Variants in FSTL5 observed in about 807,000 individuals in gnomAD.
FSTL5 encodes the protein follistatin like 5.
FSTL5 carries 62 observed loss-of-function variants against 89.1 expected under a neutral mutation model. That is an observed-to-expected ratio of 0.70 (90% CI 0.57 to 0.86). The LOEUF (loss-of-function observed/expected upper bound fraction) is 0.86. FSTL5 is among the 40% of genes least tolerant of loss of function. The pLI, the probability that FSTL5 is intolerant of heterozygous loss-of-function variation, is 0.00. For missense variants in FSTL5, 1,057 were observed against 1,001.6 expected, an observed-to-expected ratio of 1.06 and a Z score of -0.75; for synonymous variants, 383 against 346.2, an observed-to-expected ratio of 1.11 and a Z score of -1.18.
At chr4:161,550,078 C>G (rs189203533) in intron 8 of FSTL5, among the ~76,000 whole-genome samples, 5 of 151,958 alleles carry the variant, frequency 3.3e-5, no homozygotes, top group Admixed American at 3.3e-4. Context: ...TTCATGTTAA[C>G]TACACAGAGA....
At chr4:161,530,314 T>C (rs1731365093) in intron 10 of FSTL5, among the ~76,000 whole-genome samples, 1 of 142,138 alleles carries the variant, frequency 7.0e-6, no homozygotes, top group African/African-American at 2.5e-5. Context: ...AATGGCTGGA[T>C]TTTACAATAT....
At chr4:161,404,031 G>T (rs1731275936) in intron 15 of FSTL5, among the ~76,000 whole-genome samples, 1 of 152,172 alleles carries the variant, frequency 6.6e-6, no homozygotes, top group Admixed American at 6.5e-5. Flanking sequence ...CACATTCCCA[G>T]TGTGGTTACC....
At chr4:161,619,340 G>A (rs1458552402) in intron 7 of FSTL5, among the ~76,000 whole-genome samples, 1 of 152,162 alleles carries the variant, frequency 6.6e-6, no homozygotes, top group African/African-American at 2.4e-5. Flanking sequence ...ATTGACAAAT[G>A]GGATCTAATG....
chr4:161,561,449 G>T (rs765450522), intron 8 of FSTL5, among the ~76,000 whole-genome samples: 1 of 151,894 alleles, frequency 6.6e-6, no homozygotes, highest in Non-Finnish European at 1.5e-5. Context: ...GGAACTGCAT[G>T]GTTTGAGATG....
intron 4 of FSTL5, among the ~76,000 whole-genome samples, chr4:161,805,920 G>A (rs1011862068): frequency 6.6e-6 from 1 of 151,988 alleles, no homozygotes; most frequent in Non-Finnish European, 1.5e-5. Flanking sequence ...GAGAGAGTGA[G>A]ATTACATTCA....
chr4:161,981,298 T>C (rs1735820976), intron 3 of FSTL5, among the ~76,000 whole-genome samples: 1 of 152,156 alleles, frequency 6.6e-6, no homozygotes, highest in South Asian at 2.1e-4. Flanking sequence ...TACCAGAAGT[T>C]AGATCCATTA....
chr4:161,620,085 A>G (rs1178449107), intron 7 of FSTL5, among the ~76,000 whole-genome samples: 1 of 151,070 alleles, frequency 6.6e-6, no homozygotes, highest in Non-Finnish European at 1.5e-5. Flanking sequence ...AAACTATCGC[A>G]AGAAGAAAAA....
chr4:162,074,192 T>C (rs1729742047), intron 2 of FSTL5, among the ~76,000 whole-genome samples: 1 of 151,802 alleles, frequency 6.6e-6, no homozygotes, highest in Non-Finnish European at 1.5e-5. Context: ...ACTTATAGAT[T>C]TATCATTTCC....
intron 8 of FSTL5, among the ~76,000 whole-genome samples, chr4:161,576,899 A>G (rs1733227502): frequency 6.6e-6 from 1 of 152,248 alleles, no homozygotes. Flanking sequence ...TTGAGCTTCA[A>G]TTACTGAGGA....
chr4:161,572,878 A>T (rs1733069695), intron 8 of FSTL5, among the ~76,000 whole-genome samples: 1 of 152,194 alleles, frequency 6.6e-6, no homozygotes, highest in African/African-American at 2.4e-5. Context: ...CTGCTACAAT[A>T]AAGTAAGAAA....
At chr4:161,620,259 C>T (rs1282466753) in intron 7 of FSTL5, among the ~76,000 whole-genome samples, 3 of 151,516 alleles carry the variant, frequency 2.0e-5, no homozygotes, top group African/African-American at 7.3e-5. Context: ...TTAATGGGTG[C>T]AGCACACCAG....
intron 3 of FSTL5, among the ~76,000 whole-genome samples, chr4:161,955,161 T>C (rs1013574822): frequency 5.9e-5 from 9 of 151,700 alleles, no homozygotes; most frequent in Non-Finnish European, 8.9e-5. Flanking sequence ...GTAATATTTA[T>C]TTCTATACTT....
At chr4:161,676,787 A>G (rs1737321655) in intron 6 of FSTL5, among the ~76,000 whole-genome samples, 1 of 151,914 alleles carries the variant, frequency 6.6e-6, no homozygotes, top group Admixed American at 6.6e-5. Flanking sequence ...ACAGAGTAAT[A>G]TACAAAAATA....
intron 4 of FSTL5, among the ~76,000 whole-genome samples, chr4:161,899,796 G>C (rs1733292557): frequency 6.6e-6 from 1 of 152,116 alleles, no homozygotes; most frequent in South Asian, 2.1e-4. Flanking sequence ...AAACACCAAA[G>C]AAAACTACAC....
At chr4:161,700,460 T>G (rs889246733) in intron 6 of FSTL5, among the ~76,000 whole-genome samples, 1 of 152,146 alleles carries the variant, frequency 6.6e-6, no homozygotes, top group Admixed American at 6.5e-5. Context: ...TGAGAGTATA[T>G]TTTTTTCTTT....
chr4:161,550,652 T>A (rs11936754), intron 8 of FSTL5, among the ~76,000 whole-genome samples: 18,141 of 150,216 alleles, frequency 0.12, 1,252 homozygotes, highest in African/African-American at 0.18. Context: ...TTACATATGT[T>A]TACATGTGCC....
At chr4:161,604,982 T>C (rs2126629185) in intron 7 of FSTL5, among the ~76,000 whole-genome samples, 1 of 152,296 alleles carries the variant, frequency 6.6e-6, no homozygotes, top group South Asian at 2.1e-4. Flanking sequence ...ATTTAGAGGA[T>C]AGAGGCAATG....
intron 2 of FSTL5, among the ~76,000 whole-genome samples, chr4:162,070,100 G>A (rs779468469): frequency 1.1e-4 from 17 of 151,608 alleles, no homozygotes; most frequent in Non-Finnish European, 2.2e-4. Context: ...TATCTCATGT[G>A]GTTTTGGTTT....
At chr4:161,432,025 A>G (rs1383595779) in intron 15 of FSTL5, among the ~76,000 whole-genome samples, 1 of 152,172 alleles carries the variant, frequency 6.6e-6, no homozygotes, top group Non-Finnish European at 1.5e-5. Flanking sequence ...AGACTTCAAC[A>G]CTGTGCTTTC....
Sources: gnomAD v4.1 joint callset for allele counts (sites outside exome capture counted in the v4.1 genomes callset) on GRCh38, gnomAD v4.1.1 for gene constraint, MANE v1.5 for transcripts, NCBI Gene and HGNC (gene_info 2026-07-23, HGNC 2026-07-21) for gene names.